Variants in SPMIP4 observed in about 807,000 individuals in gnomAD.
SPMIP4 encodes the protein sperm-associated microtubule inner protein 4.
At chr7:25,168,177 TAGTA>T in the SPMIP4 span, 5 of 870,868 alleles carry the variant, frequency 5.7e-6, no homozygotes, top group East Asian at 1.1e-4. Context: ...TTTTCATAAA[TAGTA>T]AGAGAAATAA....
chr7:25,141,021 T>G, the SPMIP4 span, among the ~76,000 whole-genome samples: 9 of 152,344 alleles, frequency 5.9e-5, no homozygotes, highest in South Asian at 4.1e-4. Context: ...AATTTAGGCC[T>G]CAAATAAAAC....
chr7:25,142,372 C>G, the SPMIP4 span: 1 of 1,396,158 alleles, frequency 7.2e-7, no homozygotes, highest in Non-Finnish European at 1.0e-6. Flanking sequence ...TTAGGGTAAA[C>G]GAAGAACGAC....
chr7:25,166,742 A>G, the SPMIP4 span, among the ~76,000 whole-genome samples: 2 of 151,728 alleles, frequency 1.3e-5, no homozygotes, highest in Non-Finnish European at 2.9e-5. Context: ...TAAAAATACA[A>G]AATTAGCTGG....
chr7:25,127,803 G>A, the SPMIP4 span, among the ~76,000 whole-genome samples: 2 of 152,206 alleles, frequency 1.3e-5, no homozygotes, highest in African/African-American at 4.8e-5. Context: ...TGTCTTCACA[G>A]TCTGGGCTTT....
At chr7:25,156,205 A>G in the SPMIP4 span, among the ~76,000 whole-genome samples, 1 of 152,154 alleles carries the variant, frequency 6.6e-6, no homozygotes, top group East Asian at 1.9e-4. Flanking sequence ...TGATGCATCT[A>G]CAAGCCAAGG....
chr7:25,166,825 G>A, the SPMIP4 span, among the ~76,000 whole-genome samples: 1 of 152,114 alleles, frequency 6.6e-6, no homozygotes, highest in Non-Finnish European at 1.5e-5. Context: ...AACTCAGGAA[G>A]GGGAGGTTGC....
At chr7:25,162,042 C>T in the SPMIP4 span, among the ~76,000 whole-genome samples, 8 of 151,610 alleles carry the variant, frequency 5.3e-5, no homozygotes, top group Middle Eastern at 3.4e-3. Context: ...AGGCTGAGGT[C>T]GGCGGATCAC....
At chr7:25,133,180 G>A in the SPMIP4 span, among the ~76,000 whole-genome samples, 1 of 152,124 alleles carries the variant, frequency 6.6e-6, no homozygotes, top group African/African-American at 2.4e-5. Flanking sequence ...ATGCTAGTGT[G>A]TTCATATTTG....
chr7:25,169,129 C>T, the SPMIP4 span, among the ~76,000 whole-genome samples: 2 of 152,062 alleles, frequency 1.3e-5, no homozygotes, highest in African/African-American at 4.8e-5. Context: ...GTGGCTCATG[C>T]CTGTAATCCC....
chr7:25,173,353 C>T, the SPMIP4 span, among the ~76,000 whole-genome samples: 2 of 152,192 alleles, frequency 1.3e-5, no homozygotes, highest in East Asian at 3.8e-4. This position sits in a 1 kb window ranked among gnomAD's most constrained non-coding sequence, Gnocchi z 4.4. Flanking sequence ...AACTCCCTGC[C>T]CGTTTTTGTA....
At chr7:25,136,365 G>T in the SPMIP4 span, 1 of 1,614,188 alleles carries the variant, frequency 6.2e-7, no homozygotes, top group South Asian at 1.1e-5. This position sits in a 1 kb window ranked among gnomAD's most constrained non-coding sequence, Gnocchi z 5.7. Context: ...AGTGAATCCA[G>T]TGGTCTGGTT....
chr7:25,161,998 T>C, the SPMIP4 span, among the ~76,000 whole-genome samples: 12 of 151,194 alleles, frequency 7.9e-5, no homozygotes, highest in Non-Finnish European at 1.3e-4. Flanking sequence ...AGGCTGGGAG[T>C]GGTGGCTCAC....
At chr7:25,139,673 A>G in the SPMIP4 span, among the ~76,000 whole-genome samples, 3 of 152,216 alleles carry the variant, frequency 2.0e-5, no homozygotes, top group Non-Finnish European at 4.4e-5. Context: ...GTTTGAGTAA[A>G]TACTGTGATG....
the SPMIP4 span, among the ~76,000 whole-genome samples, chr7:25,139,140 T>C: frequency 1.3e-5 from 2 of 152,254 alleles, no homozygotes; most frequent in South Asian, 4.1e-4. Flanking sequence ...TGCAATTGCA[T>C]TGAACTTTAT....
At chr7:25,131,971 G>A in the SPMIP4 span, among the ~76,000 whole-genome samples, 1 of 152,208 alleles carries the variant, frequency 6.6e-6, no homozygotes, top group Non-Finnish European at 1.5e-5. The surrounding 1 kb of genome is among the most constrained non-coding windows in gnomAD (Gnocchi z 4.2). Context: ...AGCAGTGGTG[G>A]ACGGCAAGTG....
At chr7:25,161,237 T>A in the SPMIP4 span, 1 of 1,560,618 alleles carries the variant, frequency 6.4e-7, no homozygotes. Flanking sequence ...GGTCAAATAA[T>A]AAAATTGTTC....
chr7:25,129,354 A>G, the SPMIP4 span, among the ~76,000 whole-genome samples: 1 of 152,144 alleles, frequency 6.6e-6, no homozygotes, highest in African/African-American at 2.4e-5. Flanking sequence ...GCTCATCTAC[A>G]TGCTCCCTCT....
At chr7:25,159,536 C>A in the SPMIP4 span, among the ~76,000 whole-genome samples, 1 of 152,088 alleles carries the variant, frequency 6.6e-6, no homozygotes, top group South Asian at 2.1e-4. Context: ...GAAAAATGAA[C>A]AGAATGTTAT....
chr7:25,138,031 ATTTTCT>A, the SPMIP4 span, among the ~76,000 whole-genome samples: 2 of 152,094 alleles, frequency 1.3e-5, no homozygotes, highest in Admixed American at 6.5e-5. This position sits in a 1 kb window ranked among gnomAD's most constrained non-coding sequence, Gnocchi z 6.2. Flanking sequence ...GACTATTCAG[ATTTTCT>A]TTATCTTCTC....
Sources: allele counts gnomAD v4.1 joint callset (sites outside exome capture counted in the v4.1 genomes callset), GRCh38; gene constraint gnomAD v4.1.1; non-coding constraint Gnocchi (gnomAD v3.1); transcripts MANE v1.5; gene names NCBI Gene and HGNC (gene_info 2026-07-23, HGNC 2026-07-21).